The following IDI1 variants were observed in gnomAD, a reference collection of about 807,000 sequenced individuals.
The protein encoded by IDI1 is isopentenyl-diphosphate delta isomerase 1.
A neutral mutation model predicts 32.9 loss-of-function variants in IDI1; 23 were observed. That is an observed-to-expected ratio of 0.70 (90% CI 0.50 to 0.99). The LOEUF is 0.99. Ranked by LOEUF, IDI1 falls within the 50% of genes least tolerant of loss-of-function variation. The pLI is 0.00. For missense variants in IDI1, 326 were observed against 351.9 expected (o/e 0.93, Z 0.59); for synonymous variants, 133 against 128.2 (o/e 1.04, Z -0.25).
chr10:1,045,191 T>C (rs1832764856), intron 1 of IDI1, among the ~76,000 whole-genome samples: 1 of 152,258 alleles, frequency 6.6e-6, no homozygotes, highest in Non-Finnish European at 1.5e-5. Flanking sequence ...CCCTCCCATG[T>C]GATTACAACG....
At chr10:1,050,558 T>C (rs550035588), upstream of IDI1, among the ~76,000 whole-genome samples, 1 of 152,348 alleles carries the variant, frequency 6.6e-6, no homozygotes, top group South Asian at 2.1e-4. Context: ...GAGCTATACA[T>C]ACATTTAAGA....
rs1437549678 is a variant in IDI1, at chr10:1,040,441, T to A, written c.*746A>T. ...AACAGTGTCAAGTTTAAGCAACTCT[T>A]ACCGAGTGGGACTCAATTCCCATTT... On this transcript the variant is annotated 3_prime_UTR_variant, in exon 5 of 5. Coordinates refer to ENST00000381344, the MANE Select transcript of IDI1 (RefSeq NM_004508.4). The A allele has an allele frequency of 6.6e-6, 1 of 152,276 alleles. No homozygotes were observed. Among genetic ancestry groups the A allele is most frequent in the Non-Finnish European group, 1.5e-5 (1 of 68,074 alleles). 9.4% of individuals were successfully genotyped at this position (152,276 alleles called of 1,614,324 possible). A position where few individuals can be genotyped will look rare whatever the true frequency, so the allele number is the denominator to read the frequency against.
At chr10:1,055,712 CTTCT>C in the IDI1 span, among the ~76,000 whole-genome samples, 14 of 88,920 alleles carry the variant, frequency 1.6e-4, no homozygotes, top group Admixed American at 4.7e-4. Flanking sequence ...AATAACTTCA[CTTCT>C]TTTTTTTTTT....
chr10:1,047,759 G>A (rs988039344), intron 1 of IDI1, among the ~76,000 whole-genome samples: 1 of 152,240 alleles, frequency 6.6e-6, no homozygotes, highest in African/African-American at 2.4e-5. Context: ...GATGCGGGCC[G>A]AACGTTAAAT....
chr10:1,048,950 C>T lies in IDI1; in HGVS notation c.54G>A (p.Arg18=), dbSNP rs766148235. 15 of 1,571,182 alleles carry T rather than the reference C, an allele frequency of 9.5e-6. No individual in the cohort carries two copies. Among genetic ancestry groups the T allele is most frequent in the Non-Finnish European group, 1.3e-5 (15 of 1,162,220 alleles). The change falls in exon 1 of 5, where the codon CGG becomes CGA. Residue 18 remains arginine (R), a synonymous_variant. Coordinates refer to ENST00000381344, the MANE Select transcript of IDI1 (RefSeq NM_004508.4). ...ARAIGCAARG[R]GQWAVRAADC... Reference sequence around the variant, plus strand: ...CTGCGGCGCGCACCGCCCACTGGCCCCGCCCCCGGGCCGCGCAGCCAATCG... The same window carrying T: ...CTGCGGCGCGCACCGCCCACTGGCCTCGCCCCCGGGCCGCGCAGCCAATCG...
upstream of IDI1, among the ~76,000 whole-genome samples, chr10:1,051,575 A>C (rs554629322): frequency 6.6e-6 from 1 of 152,376 alleles, no homozygotes; most frequent in East Asian, 1.9e-4. Flanking sequence ...CAACAATCAT[A>C]ATTCAGCATG....
At position 1,043,328 on chromosome 10, in the gene IDI1, T is replaced by C; in HGVS notation, c.379A>G (p.Arg127Gly). ...GGAAAGGTAATCTTAGCATCTGATCTTTGCTGTAGCAGAAGCTTATTTTCG... is the reference window on the plus strand; with the variant it reads ...GGAAAGGTAATCTTAGCATCTGATCCTTGCTGTAGCAGAAGCTTATTTTCG... Reference protein sequence around the residue: ...NTENKLLLQQRSDAKITFPGC... With the variant: ...NTENKLLLQQGSDAKITFPGC... Residue 127 changes from arginine (R) to glycine (G), a missense_variant, in exon 3 of 5, where the codon AGA becomes GGA. Physicochemically the swap from Arg to Gly is moderately radical, Grantham distance 125 (BLOSUM62 -2). Transcript: ENST00000381344. The C allele has an allele frequency of 6.2e-7, 1 of 1,606,976 alleles. No individual in the cohort carries two copies. Among genetic ancestry groups the C allele is most frequent in the East Asian group, 2.2e-5 (1 of 44,858 alleles).
At chr10:1,048,112 C>G (rs1047263250) in intron 1 of IDI1, among the ~76,000 whole-genome samples, 1 of 152,094 alleles carries the variant, frequency 6.6e-6, no homozygotes, top group Non-Finnish European at 1.5e-5. Context: ...GCCTTCGACT[C>G]CGCCTCCCAA....
At chr10:1,045,638 TG>T (rs1480435781) in intron 1 of IDI1, among the ~76,000 whole-genome samples, 1 of 152,216 alleles carries the variant, frequency 6.6e-6, no homozygotes, top group Admixed American at 6.5e-5. Context: ...GGCTAATTTT[TG>T]TATTTTTAGT....
the IDI1 span, among the ~76,000 whole-genome samples, chr10:1,054,313 T>C: frequency 6.6e-6 from 1 of 151,656 alleles, no homozygotes; most frequent in African/African-American, 2.4e-5. Context: ...TATACACACA[T>C]ATATATAACT....
intron 1 of IDI1, among the ~76,000 whole-genome samples, chr10:1,045,950 A>G (rs1039654538): frequency 2.6e-5 from 4 of 152,224 alleles, no homozygotes; most frequent in African/African-American, 7.2e-5. Context: ...AATACAAAAA[A>G]TCTGAAATAA....
upstream of IDI1, among the ~76,000 whole-genome samples, chr10:1,050,276 ATTTTG>A (rs909307726): frequency 1.8e-4 from 28 of 152,222 alleles, no homozygotes; most frequent in Non-Finnish European, 2.9e-4. Flanking sequence ...ACAGACTTTG[ATTTTG>A]TTTTATGTGT....
At chr10:1,054,353 G>T in the IDI1 span, among the ~76,000 whole-genome samples, 6 of 152,200 alleles carry the variant, frequency 3.9e-5, no homozygotes, top group Admixed American at 3.9e-4. Flanking sequence ...ATGTCAAACA[G>T]CTTATAACAC....
rs1051966277 is a variant in IDI1 at position 1,048,664 on chromosome 10, G to A, written c.140+200C>T. On this transcript the variant is annotated intron_variant, in intron 1 of 4. Transcript: ENST00000381344. ...GACTCACGCCTCCGCCTTCCACGGG[G>A]CGCGGGCGCCCACCACAGCCCGGGA... The A allele has an allele frequency of 2.6e-5, 37 of 1,410,536 alleles. No homozygotes were observed. The Admixed American group carries it at 3.9e-4, about 15-fold the overall frequency. The allele number at this position is 1,410,536 out of a possible 1,614,324, so 87.4% of individuals were successfully genotyped here. A position where few individuals can be genotyped will look rare whatever the true frequency, so the allele number is the denominator to read the frequency against.
chr10:1,055,554 G>A, the IDI1 span, among the ~76,000 whole-genome samples: 1 of 151,872 alleles, frequency 6.6e-6, no homozygotes, highest in African/African-American at 2.4e-5. Flanking sequence ...TGCATACTAG[G>A]TACTAAATAA....
At chr10:1,056,468 C>CCGGGTCT in the IDI1 span, 6 of 152,140 alleles carry the variant, frequency 3.9e-5, no homozygotes, top group Admixed American at 3.9e-4. Context: ...GCAGGCGGCC[C>CCGGGTCT]CGGGTCTCAG....
chr10:1,049,931 G>A (rs1832952769), upstream of IDI1, among the ~76,000 whole-genome samples: 1 of 152,196 alleles, frequency 6.6e-6, no homozygotes, highest in South Asian at 2.1e-4. Context: ...GAGATTCCGG[G>A]TGTGAGCCAC....
chr10:1,052,061 T>C (rs1833027893), upstream of IDI1, among the ~76,000 whole-genome samples: 1 of 152,148 alleles, frequency 6.6e-6, no homozygotes, highest in Admixed American at 6.5e-5. Context: ...TTAGTAGAGC[T>C]TGGGTTTCAC....
chr10:1,050,972 ATAC>A (rs1832995549), upstream of IDI1, among the ~76,000 whole-genome samples: 1 of 152,236 alleles, frequency 6.6e-6, no homozygotes. Context: ...TTCTTTTTCG[ATAC>A]TACTACCCCA....
Sources: allele counts gnomAD v4.1 joint callset (sites outside exome capture counted in the v4.1 genomes callset), GRCh38; gene constraint gnomAD v4.1.1; transcripts MANE v1.5; gene names NCBI Gene and HGNC (gene_info 2026-07-23, HGNC 2026-07-21).